The following DYRK1A variants were observed in gnomAD, a reference collection of about 807,000 sequenced individuals.
DYRK1A encodes dual specificity tyrosine-phosphorylation-regulated kinase 1A.
Under a neutral mutation model 79.7 loss-of-function variants are expected in DYRK1A, and 9 were observed. The ratio of observed to expected loss-of-function variants is 0.11; its 90% CI spans 0.07 to 0.20. The LOEUF (loss-of-function observed/expected upper bound fraction) is 0.20. DYRK1A is among the 10% of genes least tolerant of loss of function. The pLI is 1.00. For missense variants in DYRK1A, 622 were observed against 956.0 expected (o/e 0.65, Z 4.61); for synonymous variants, 349 against 329.7 (o/e 1.06, Z -0.63).
At chr21:37,371,436 G>C (rs1387307004) in intron 1 of DYRK1A, among the ~76,000 whole-genome samples, 1 of 152,172 alleles carries the variant, frequency 6.6e-6, no homozygotes, top group Non-Finnish European at 1.5e-5. Flanking sequence ...CCTACTTCCA[G>C]AGTACTAAAA....
intron 1 of DYRK1A, among the ~76,000 whole-genome samples, chr21:37,389,190 T>C (rs1476306074): frequency 6.6e-6 from 1 of 151,608 alleles, no homozygotes; most frequent in Non-Finnish European, 1.5e-5. Flanking sequence ...TACTTTTCTC[T>C]CTCTCTCTTT....
intron 2 of DYRK1A, among the ~76,000 whole-genome samples, chr21:37,442,287 T>A (rs2051131428): frequency 6.6e-6 from 1 of 152,136 alleles, no homozygotes; most frequent in African/African-American, 2.4e-5. Context: ...ACCATTAGTT[T>A]TTCAAAATTT....
intron 2 of DYRK1A, among the ~76,000 whole-genome samples, chr21:37,426,912 TC>T (rs2050637849): frequency 3.6e-5 from 3 of 84,160 alleles, no homozygotes; most frequent in Admixed American, 1.4e-4. Context: ...AGAGCGAGAC[TC>T]GGTTCTAAAA....
intron 1 of DYRK1A, among the ~76,000 whole-genome samples, chr21:37,396,547 A>G (rs1241646841): frequency 6.6e-6 from 1 of 151,566 alleles, no homozygotes; most frequent in Non-Finnish European, 1.5e-5. Context: ...TTTAAGTGTA[A>G]TTCCCTGTTC....
At chr21:37,479,691 G>A (rs547072020) in intron 4 of DYRK1A, among the ~76,000 whole-genome samples, 3 of 140,842 alleles carry the variant, frequency 2.1e-5, no homozygotes, top group East Asian at 2.2e-4. Flanking sequence ...GCAGTGGCGC[G>A]ATCTCGGCTC....
chr21:37,500,236 T>C (rs867558494), intron 9 of DYRK1A, among the ~76,000 whole-genome samples: 24 of 152,232 alleles, frequency 1.6e-4, no homozygotes, highest in African/African-American at 5.1e-4. Flanking sequence ...TCTGCACGTA[T>C]AGAGATCATC....
intron 2 of DYRK1A, among the ~76,000 whole-genome samples, chr21:37,455,174 C>T (rs1353723960): frequency 6.6e-6 from 1 of 151,810 alleles, no homozygotes; most frequent in Non-Finnish European, 1.5e-5. Context: ...GTGATTCTAC[C>T]CCTGTGTGTG....
intron 1 of DYRK1A, among the ~76,000 whole-genome samples, chr21:37,417,747 TA>T (rs1296689819): frequency 1.3e-5 from 2 of 151,174 alleles, no homozygotes; most frequent in Non-Finnish European, 1.5e-5. Flanking sequence ...TTAAGACAAC[TA>T]AAAAAAATGG....
chr21:37,426,725 A>G (rs984007194), intron 2 of DYRK1A, among the ~76,000 whole-genome samples: 4 of 149,912 alleles, frequency 2.7e-5, no homozygotes, highest in African/African-American at 9.8e-5. Context: ...CCTGGCTAAC[A>G]TGGTGAAACC....
chr21:37,389,842 T>C (rs576753011), intron 1 of DYRK1A, among the ~76,000 whole-genome samples: 2 of 152,244 alleles, frequency 1.3e-5, no homozygotes, highest in Non-Finnish European at 2.9e-5. Context: ...CAGGCAGAAC[T>C]GTGGAAGAAG....
Position 37,520,765 on chromosome 21 carries a change from A to G in DYRK1A, c.*8234A>G, listed in dbSNP as rs1392768242. ...GGTCTTGTCCCTGGCCAGTCTGGGC[A>G]GCTCTGCGCTCAGAGGCCTTTGGCA... On this transcript the variant is annotated 3_prime_UTR_variant, in exon 12 of 12. Transcript: ENST00000647188. 3.3e-5 allele frequency: 5 copies of G among 152,244 alleles called. No individual in the cohort carries two copies. Among genetic ancestry groups the G allele is most frequent in the African/African-American group, 1.2e-4 (5 of 41,468 alleles). The allele number at this position is 152,244 out of a possible 1,614,324, so 9.4% of individuals were successfully genotyped here.
chr21:37,405,128 A>AT (rs766482063), intron 1 of DYRK1A, among the ~76,000 whole-genome samples: 1 of 151,966 alleles, frequency 6.6e-6, no homozygotes, highest in Non-Finnish European at 1.5e-5. Context: ...TACTTAAATG[A>AT]TTTTTTAGTG....
Position 37,526,291 on chromosome 21 carries a change from AAT to A in DYRK1A, c.*13762_*13763del, listed in dbSNP as rs2053967329. On this transcript the variant is annotated 3_prime_UTR_variant, in exon 12 of 12. Transcript: ENST00000647188. Reference sequence around the variant, plus strand: ...AAGGCAACTATCTAAAGAAAAATTTAATAGAGTCTAATAGAATCTTATAAAAA... The same window carrying A: ...AAGGCAACTATCTAAAGAAAAATTTAAGAGTCTAATAGAATCTTATAAAAA... The A allele has an allele frequency of 1.3e-5, 2 of 152,234 alleles. No individual in the cohort carries two copies. Among genetic ancestry groups the A allele is most frequent in the Non-Finnish European group, 2.9e-5 (2 of 68,044 alleles). The allele number at this position is 152,234 out of a possible 1,614,324, so 9.4% of individuals were successfully genotyped here.
intron 1 of DYRK1A, among the ~76,000 whole-genome samples, chr21:37,381,105 T>G (rs999455229): frequency 2.6e-5 from 4 of 152,214 alleles, no homozygotes; most frequent in Admixed American, 2.6e-4. Context: ...ATCTCAGTGG[T>G]TGGCAGGGTG....
chr21:37,484,236 C>T lies in DYRK1A; in HGVS notation c.490-2231C>T, dbSNP rs577770571. On this transcript the variant is annotated intron_variant, in intron 5 of 11. Transcript: ENST00000647188. The stretch of plus-strand genomic sequence containing the variant: ...CCACCTCACCCCTACCTACCCTGGC[C>T]GTGAAAAAATTGACTGCTGCTCTAG... 2.2e-4 allele frequency among the ~76,000 whole-genome samples: 33 copies of T among 152,134 alleles called. No homozygotes were observed. The East Asian group carries it at 4.4e-3, about 20-fold the overall frequency.
At chr21:37,425,447 T>C (rs1328646237) in intron 2 of DYRK1A, among the ~76,000 whole-genome samples, 1 of 152,222 alleles carries the variant, frequency 6.6e-6, no homozygotes, top group Non-Finnish European at 1.5e-5. Flanking sequence ...ACATTATGTA[T>C]GTGTCATATG....
intron 1 of DYRK1A, among the ~76,000 whole-genome samples, chr21:37,374,574 A>G (rs1215173968): frequency 6.6e-6 from 1 of 151,188 alleles, no homozygotes; most frequent in Non-Finnish European, 1.5e-5. Flanking sequence ...TTTTTTTGAG[A>G]CAGAGTCTCG....
chr21:37,486,374 GAATT>G, intron 5 of DYRK1A, 89 bp from the exon 6 acceptor site: 1 of 999,240 alleles, frequency 1.0e-6, no homozygotes, highest in Middle Eastern at 3.5e-4. Flanking sequence ...ATATAATTGA[GAATT>G]AGGTAAATGT....
chr21:37,401,652 T>C (rs1356652257), intron 1 of DYRK1A, among the ~76,000 whole-genome samples: 2 of 151,942 alleles, frequency 1.3e-5, no homozygotes, highest in African/African-American at 4.8e-5. Context: ...CTGGCTAATT[T>C]TTGTATTATT....
Sources: gnomAD v4.1 joint callset for allele counts (sites outside exome capture counted in the v4.1 genomes callset) on GRCh38, gnomAD v4.1.1 for gene constraint, MANE v1.5 for transcripts, NCBI Gene and HGNC (gene_info 2026-07-23, HGNC 2026-07-21) for gene names.